PDE3A: variants seen among roughly 807,000 people sequenced by gnomAD.
PDE3A encodes the protein cGMP-inhibited 3',5'-cyclic phosphodiesterase 3A.
PDE3A carries 43 observed loss-of-function variants against 98.3 expected under a neutral mutation model. The observed-to-expected ratio is 0.44, with a 90% confidence interval of 0.34 to 0.56. The LOEUF is 0.56. Ranked by LOEUF, PDE3A falls within the 20% of genes least tolerant of loss-of-function variation. The pLI is 0.01. For missense variants in PDE3A, 1,427 were observed against 1,440.7 expected, an observed-to-expected ratio of 0.99 and a Z score of 0.15; for synonymous variants, 663 against 567.9, an observed-to-expected ratio of 1.17 and a Z score of -2.38.
chr12:20,493,564 A>G (rs904753924), intron 1 of PDE3A, among the ~76,000 whole-genome samples: 3 of 152,054 alleles, frequency 2.0e-5, no homozygotes, highest in African/African-American at 7.2e-5. Flanking sequence ...CAGACACACA[A>G]ACACACACAG....
chr12:20,547,236 C>A (rs1942083647), intron 1 of PDE3A, among the ~76,000 whole-genome samples: 1 of 152,120 alleles, frequency 6.6e-6, no homozygotes. Context: ...CCATCCATTA[C>A]CCCCACTTGT....
At chr12:20,415,396 A>T (rs1018184052) in intron 1 of PDE3A, among the ~76,000 whole-genome samples, 1 of 130,414 alleles carries the variant, frequency 7.7e-6, no homozygotes, top group South Asian at 2.8e-4. Flanking sequence ...GCCTCCTTTT[A>T]TCTACTTATT....
intron 2 of PDE3A, among the ~76,000 whole-genome samples, chr12:20,611,812 C>T (rs1220386874): frequency 6.6e-6 from 1 of 151,422 alleles, no homozygotes; most frequent in East Asian, 1.9e-4. Context: ...ACCCACTGAA[C>T]AATATTTTCT....
chr12:20,388,234 G>A (rs1012977615), intron 1 of PDE3A, among the ~76,000 whole-genome samples: 1 of 151,842 alleles, frequency 6.6e-6, no homozygotes, highest in Non-Finnish European at 1.5e-5. Context: ...AAATCCTTTT[G>A]CATTCCTAAT....
intron 1 of PDE3A, among the ~76,000 whole-genome samples, chr12:20,460,349 C>T (rs1945226283): frequency 6.6e-6 from 1 of 152,086 alleles, no homozygotes; most frequent in Admixed American, 6.5e-5. Context: ...TTTTAATAAC[C>T]TGCAAGTAAA....
intron 2 of PDE3A, among the ~76,000 whole-genome samples, chr12:20,613,231 T>A (rs1943912529): frequency 6.6e-6 from 1 of 152,118 alleles, no homozygotes; most frequent in Non-Finnish European, 1.5e-5. Context: ...CCTCCCCAAG[T>A]TCTAGCATTA....
At chr12:20,417,981 G>A (rs1313307913) in intron 1 of PDE3A, among the ~76,000 whole-genome samples, 1 of 151,946 alleles carries the variant, frequency 6.6e-6, no homozygotes, top group African/African-American at 2.4e-5. Context: ...TGGGAGAGCC[G>A]GGATTGGAAT....
chr12:20,675,137 T>C (rs1945600380), intron 15 of PDE3A, among the ~76,000 whole-genome samples: 1 of 152,042 alleles, frequency 6.6e-6, no homozygotes, highest in Non-Finnish European at 1.5e-5. Flanking sequence ...TTTCAAGAAA[T>C]TTATTGATTT....
At chr12:20,535,116 A>G (rs1014939576) in intron 1 of PDE3A, among the ~76,000 whole-genome samples, 5 of 152,200 alleles carry the variant, frequency 3.3e-5, no homozygotes, top group African/African-American at 1.2e-4. Flanking sequence ...ACATGTTCAT[A>G]TAATTCATAG....
intron 15 of PDE3A, among the ~76,000 whole-genome samples, chr12:20,679,033 T>C (rs577047377): frequency 3.9e-5 from 6 of 152,270 alleles, no homozygotes; most frequent in Admixed American, 1.3e-4. Flanking sequence ...TGGAGTATCA[T>C]GGGAATTTAG....
rs926588973 is a variant in PDE3A at position 20,380,751 on chromosome 12, T to G, written c.960+10507T>G. ...GCTATCACTGACAACTTCCAGAGTT[T>G]GAGAGTTTTTTGAATATACTACTTA... On this transcript the variant is annotated intron_variant, in intron 1 of 15. Coordinates refer to ENST00000359062, the MANE Select transcript of PDE3A (RefSeq NM_000921.5). Among the ~76,000 whole-genome samples, 55 of 151,972 alleles carry G rather than the reference T, an allele frequency of 3.6e-4. 2 individuals carry two copies. The highest frequency in any genetic ancestry group is 3.6e-3 in the Admixed American group (55 of 15,216).
chr12:20,524,928 A>C (rs1946488079), intron 1 of PDE3A, among the ~76,000 whole-genome samples: 1 of 152,134 alleles, frequency 6.6e-6, no homozygotes, highest in African/African-American at 2.4e-5. Context: ...TGAGGTTGGT[A>C]GTTCAAGACC....
intron 1 of PDE3A, among the ~76,000 whole-genome samples, chr12:20,496,273 CA>C (rs2121065003): frequency 6.6e-6 from 1 of 152,232 alleles, no homozygotes; most frequent in South Asian, 2.1e-4. Context: ...GTGATAAGCT[CA>C]AAAACCTGCT....
At chr12:20,448,256 T>G (rs1250711885) in intron 1 of PDE3A, among the ~76,000 whole-genome samples, 1 of 152,018 alleles carries the variant, frequency 6.6e-6, no homozygotes, top group Non-Finnish European at 1.5e-5. Flanking sequence ...CCTGGCCAAC[T>G]TGGTGAAACC....
chr12:20,507,550 A>G (rs1478015746), intron 1 of PDE3A, among the ~76,000 whole-genome samples: 2 of 152,020 alleles, frequency 1.3e-5, no homozygotes, highest in African/African-American at 4.8e-5. Flanking sequence ...TCCAATTGCA[A>G]TAATTGGCTT....
At chr12:20,474,614 T>C (rs568477444) in intron 1 of PDE3A, among the ~76,000 whole-genome samples, 1 of 152,284 alleles carries the variant, frequency 6.6e-6, no homozygotes, top group Admixed American at 6.5e-5. Flanking sequence ...GGGAAAATTC[T>C]TTTCCTTTCC....
intron 15 of PDE3A, among the ~76,000 whole-genome samples, chr12:20,668,692 C>T (rs1945388447): frequency 6.7e-6 from 1 of 149,950 alleles, no homozygotes; most frequent in Non-Finnish European, 1.5e-5. Flanking sequence ...ACCAAAAACC[C>T]ATCTGTACAT....
Position 20,642,031 on chromosome 12 carries a change from A to C in PDE3A, c.2251+2074A>C, listed in dbSNP as rs535138502. ...TCATTAGTTATAATCAGCACATACA[A>C]AAATTTGCTGTATACCTACTTGTTT... On this transcript the variant is annotated intron_variant, in intron 10 of 15. Transcript: ENST00000359062. Among the ~76,000 whole-genome samples the C allele has an allele frequency of 9.2e-5, 14 of 152,250 alleles. No individual in the cohort carries two copies. The South Asian group carries it at 2.5e-3, about 27-fold the overall frequency.
At position 20,678,728 on chromosome 12, in the gene PDE3A, C is replaced by G. The variant is rs115505292; in HGVS notation, c.3185-1302C>G. On this transcript the variant is annotated intron_variant, in intron 15 of 15. Transcript: ENST00000359062. ...AAGGAGAAAGGATCTCCAATTACAC[C>G]TCGCAAACCGACATTCATTCTGTGC... Among the ~76,000 whole-genome samples, 807 of 152,288 alleles carry G rather than the reference C, an allele frequency of 5.3e-3. 9 individuals are homozygous for G. Among genetic ancestry groups the G allele is most frequent in the African/African-American group, 0.018 (765 of 41,570 alleles).
Sources: gnomAD v4.1 joint callset for allele counts (sites outside exome capture counted in the v4.1 genomes callset) on GRCh38, gnomAD v4.1.1 for gene constraint, MANE v1.5 for transcripts, NCBI Gene and HGNC (gene_info 2026-07-23, HGNC 2026-07-21) for gene names.